SH3RF2: variants seen among roughly 807,000 people sequenced by gnomAD.
SH3RF2 encodes E3 ubiquitin-protein ligase SH3RF2.
SH3RF2 carries 43 observed loss-of-function variants against 59.0 expected under a neutral mutation model. The observed-to-expected ratio is 0.73, with a 90% confidence interval of 0.57 to 0.94. The LOEUF (loss-of-function observed/expected upper bound fraction) is 0.94. SH3RF2 is among the 40% of genes least tolerant of loss of function. The pLI, the probability that SH3RF2 is intolerant of heterozygous loss-of-function variation, is 0.00. For missense variants in SH3RF2, 930 were observed against 940.1 expected (o/e 0.99, Z 0.14); for synonymous variants, 391 against 391.5 (o/e 1.00, Z 0.01).
intron 2 of SH3RF2, among the ~76,000 whole-genome samples, chr5:145,965,005 C>A (rs921352872): frequency 2.0e-5 from 3 of 152,020 alleles, no homozygotes; most frequent in African/African-American, 7.3e-5. Flanking sequence ...CTAGCCTGCG[C>A]AACACGGTGA....
chr5:146,080,856 T>G (rs1195261641), exon 10 of SH3RF2: 1 of 152,280 alleles, frequency 6.6e-6, no homozygotes, highest in Non-Finnish European at 1.5e-5. Context: ...TGGAGTGCAG[T>G]GGTGCCATCT....
chr5:146,052,890 C>T (rs1000127602), intron 7 of SH3RF2, among the ~76,000 whole-genome samples: 3 of 152,066 alleles, frequency 2.0e-5, no homozygotes, highest in African/African-American at 7.2e-5. Flanking sequence ...GTGCTAGGCC[C>T]CTTTCTGTTC....
intron 2 of SH3RF2, among the ~76,000 whole-genome samples, chr5:145,973,867 T>C (rs1759182680): frequency 6.6e-6 from 1 of 151,796 alleles, no homozygotes; most frequent in Non-Finnish European, 1.5e-5. Context: ...TAAAAAGGGG[T>C]GAGGGAGAAT....
Position 146,013,838 on chromosome 5 carries a change from G to A in SH3RF2, c.836G>A (p.Arg279Lys). 6.2e-7 allele frequency: 1 copy of A among 1,614,158 alleles called. No individual in the cohort carries two copies. The part of the protein sequence containing the change: ...KNLSLVSSSS[R>K]GNTSTLRRGP... ...CTGTCCCTGGTGTCCTCGTCCTCCA[G>A]AGGCAACACGTCTACCCTCCGTAGG... The change falls in exon 5 of 10, where the codon AGA becomes AAA. Residue 279 changes from arginine (R) to lysine (K), a missense_variant. By Grantham distance (26) the Arg-to-Lys change is conservative. Coordinates refer to ENST00000359120, the MANE Select transcript of SH3RF2 (RefSeq NM_152550.4).
At chr5:145,997,696 G>C (rs1760223345) in intron 2 of SH3RF2, 10 of 1,565,554 alleles carry the variant, frequency 6.4e-6, no homozygotes, top group Non-Finnish European at 8.7e-6. Flanking sequence ...AAGGTAACAG[G>C]GAAAAAGGTA....
At chr5:146,034,583 C>A (rs151208784) in intron 5 of SH3RF2, among the ~76,000 whole-genome samples, 1 of 152,108 alleles carries the variant, frequency 6.6e-6, no homozygotes, top group African/African-American at 2.4e-5. Flanking sequence ...GACTTTGTGG[C>A]CACATTCTAA....
rs1028986208 is a variant in SH3RF2 at position 146,062,802 on chromosome 5, T to A, written c.*101T>A. 11 of 1,467,128 alleles carry A rather than the reference T, an allele frequency of 7.5e-6. No homozygotes were observed. Among genetic ancestry groups the A allele is most frequent in the Non-Finnish European group, 9.1e-6 (10 of 1,096,094 alleles). The allele number at this position is 1,467,128 out of a possible 1,614,324, so 90.9% of individuals were successfully genotyped here. On this transcript the variant is annotated 3_prime_UTR_variant, in exon 10 of 10. Coordinates refer to ENST00000359120, the MANE Select transcript of SH3RF2 (RefSeq NM_152550.4). ...CTGCCATTCTTTGGGGACTTGAGCA[T>A]GGGTCCTTGTTCTTCCTATTTCACC...
At position 146,055,867 on chromosome 5, in the gene SH3RF2, G is replaced by A. The variant is rs1762645548; in HGVS notation, c.1323-114G>A. ...GTGTGTATGGGTGGGAAGAAGGTGAGAAGTAGCCACATTTGGTATGTGGTT... is the reference window on the plus strand; with the variant it reads ...GTGTGTATGGGTGGGAAGAAGGTGAAAAGTAGCCACATTTGGTATGTGGTT... On this transcript the variant is annotated intron_variant, in intron 7 of 9. Coordinates refer to ENST00000359120, the MANE Select transcript of SH3RF2 (RefSeq NM_152550.4). The A allele has an allele frequency of 3.3e-6, 4 of 1,208,062 alleles. No homozygotes were observed. In the East Asian group the frequency reaches 9.3e-5, roughly 28 times the overall value. The allele number at this position is 1,208,062 out of a possible 1,614,324, so 74.8% of individuals were successfully genotyped here.
intron 2 of SH3RF2, among the ~76,000 whole-genome samples, chr5:145,959,899 G>A (rs137959728): frequency 6.6e-6 from 1 of 151,886 alleles, no homozygotes; most frequent in African/African-American, 2.4e-5. Flanking sequence ...GTCTTCCCAG[G>A]TCCTCTCTTT....
chr5:146,054,607 C>T (rs1762605492), intron 7 of SH3RF2, among the ~76,000 whole-genome samples: 1 of 152,256 alleles, frequency 6.6e-6, no homozygotes, highest in Admixed American at 6.5e-5. Flanking sequence ...GGACCAGAGA[C>T]AGGTTGAAGT....
chr5:146,017,817 C>T (rs1450221151), intron 5 of SH3RF2, among the ~76,000 whole-genome samples: 1 of 152,122 alleles, frequency 6.6e-6, no homozygotes, highest in Non-Finnish European at 1.5e-5. Flanking sequence ...ATCACTTCGC[C>T]TCACCCCGCC....
At chr5:145,951,347 C>G (rs1250980810) in intron 2 of SH3RF2, among the ~76,000 whole-genome samples, 1 of 152,166 alleles carries the variant, frequency 6.6e-6, no homozygotes, top group Admixed American at 6.5e-5. Flanking sequence ...AAGGAGTATG[C>G]ATAGCACATA....
At chr5:146,048,656 T>TA (rs1182228268) in intron 6 of SH3RF2, among the ~76,000 whole-genome samples, 2 of 152,148 alleles carry the variant, frequency 1.3e-5, no homozygotes, top group East Asian at 3.9e-4. Context: ...GGAGGCCATA[T>TA]ACTGGTGATC....
At chr5:145,991,712 G>A (rs1486931549) in intron 2 of SH3RF2, among the ~76,000 whole-genome samples, 1 of 152,102 alleles carries the variant, frequency 6.6e-6, no homozygotes, top group African/African-American at 2.4e-5. Flanking sequence ...CAAGGTTGAG[G>A]CACCTTCAAA....
In SH3RF2 at chr5:146,062,840, A is replaced by G. The variant is rs983650222; in HGVS notation, c.*139A>G. The G allele has an allele frequency of 1.1e-5, 13 of 1,226,726 alleles. No individual in the cohort carries two copies. Among genetic ancestry groups the G allele is most frequent in the East Asian group, 2.5e-5 (1 of 39,882 alleles). 76.0% of individuals were successfully genotyped at this position (1,226,726 alleles called of 1,614,324 possible). The stretch of plus-strand genomic sequence containing the variant: ...TTCCTATTTCACCTCCAGGAAAGCA[A>G]AAGTGGGAGCAGAAATTCCTGCCCT... On this transcript the variant is annotated 3_prime_UTR_variant, in exon 10 of 10. Coordinates refer to ENST00000359120, the MANE Select transcript of SH3RF2 (RefSeq NM_152550.4).
At chr5:146,075,033 T>C (rs1292007746) in intron 9 of SH3RF2, among the ~76,000 whole-genome samples, 1 of 152,214 alleles carries the variant, frequency 6.6e-6, no homozygotes, top group Non-Finnish European at 1.5e-5. Context: ...TTTGTTACTA[T>C]CCATTATTAT....
At chr5:146,008,018 A>G (rs558115862) in intron 4 of SH3RF2, among the ~76,000 whole-genome samples, 2 of 152,312 alleles carry the variant, frequency 1.3e-5, no homozygotes, top group Non-Finnish European at 2.9e-5. Flanking sequence ...GTATGTGTGC[A>G]TGTTTGTGTG....
chr5:146,050,778 CA>C (rs951190035), intron 7 of SH3RF2, among the ~76,000 whole-genome samples: 1 of 152,042 alleles, frequency 6.6e-6, no homozygotes, highest in Non-Finnish European at 1.5e-5. Flanking sequence ...TACTGGCTAA[CA>C]AAAAAATCAG....
chr5:146,021,299 A>G (rs768844530), intron 5 of SH3RF2, among the ~76,000 whole-genome samples: 8 of 152,212 alleles, frequency 5.3e-5, no homozygotes, highest in Non-Finnish European at 8.8e-5. Flanking sequence ...GGTAATTTAC[A>G]GAGATAAATT....
Sources: allele counts gnomAD v4.1 joint callset (sites outside exome capture counted in the v4.1 genomes callset), GRCh38; gene constraint gnomAD v4.1.1; transcripts MANE v1.5; gene names NCBI Gene and HGNC (gene_info 2026-07-23, HGNC 2026-07-21).